Variants in RPS8 observed in about 807,000 individuals in gnomAD.
RPS8 encodes the protein small ribosomal subunit protein eS8.
For synonymous variants in RPS8, 100 were observed against 100.7 expected (o/e 0.99, Z 0.04); for missense variants, 141 against 269.7 (o/e 0.52, Z 3.34).
intron 2 of RPS8, chr1:44,776,358 GAGA>G: frequency 1.5e-6 from 1 of 680,986 alleles, no homozygotes; most frequent in South Asian, 1.7e-5. Context: ...GGATTTCAGA[GAGA>G]AGGATACTGT....
chr1:44,778,215 G>T, intron 5 of RPS8, 86 bp downstream of exon 5: 1 of 1,512,884 alleles, frequency 6.6e-7, no homozygotes, highest in Admixed American at 1.8e-5. Flanking sequence ...TCCTTTGACT[G>T]CCAGCCATGC....
chr1:44,778,147 T>C lies in RPS8; in HGVS notation c.517+18T>C. The C allele has an allele frequency of 6.3e-7, 1 of 1,589,316 alleles. No individual in the cohort carries two copies. Among genetic ancestry groups the C allele is most frequent in the Non-Finnish European group, 8.6e-7 (1 of 1,167,948 alleles). On this transcript the variant is annotated intron_variant, in intron 5 of 5. Transcript: ENST00000396651. ...GCTTCTTGGTGAGAAGGCTGTTGTG[T>C]TGGAGGTGGGGAGTCGCAGAGATTG...
At chr1:44,775,859 C>G (rs1218790610) in intron 1 of RPS8, 175 bp from the exon 2 acceptor site, 1 of 817,224 alleles carries the variant, frequency 1.2e-6, no homozygotes, top group South Asian at 1.4e-5. Context: ...CCCGGCCTGG[C>G]CGCACGTGTA....
intron 3 of RPS8, chr1:44,777,260 G>A (rs1483288209): frequency 1.7e-5 from 4 of 228,936 alleles, no homozygotes; most frequent in Non-Finnish European, 2.6e-5. Context: ...TAGTAGAGAC[G>A]GGGTTTCACC....
chr1:44,776,196 C>A, intron 2 of RPS8, 56 bp downstream of exon 2: 3 of 1,276,446 alleles, frequency 2.4e-6, no homozygotes, highest in Non-Finnish European at 3.3e-6. Context: ...CGCTCTCCAG[C>A]GTGCTCGGGT....
chr1:44,778,547 T>C (rs1404771540), intron 5 of RPS8, 29 bp from the exon 6 acceptor site: 7 of 1,579,976 alleles, frequency 4.4e-6, no homozygotes, highest in South Asian at 1.1e-5. Context: ...ACCTTGTCGT[T>C]GTGCTAAGGA....
chr1:44,776,268 G>A, intron 2 of RPS8, 128 bp downstream of exon 2: 1 of 690,288 alleles, frequency 1.4e-6, no homozygotes, highest in Non-Finnish European at 2.5e-6. Flanking sequence ...TAGGGCCTGG[G>A]TGTCCTGTCC....
At chr1:44,775,953 G>T (rs532098137) in intron 1 of RPS8, 81 bp from the exon 2 acceptor site, 2 of 1,356,136 alleles carry the variant, frequency 1.5e-6, no homozygotes, top group East Asian at 2.3e-5. Flanking sequence ...GACCGGCCCG[G>T]CGCGGGGGTC....
chr1:44,775,647 A>G, intron 1 of RPS8, 47 bp downstream of exon 1: 1 of 1,612,236 alleles, frequency 6.2e-7, no homozygotes, highest in Non-Finnish European at 8.5e-7. Flanking sequence ...GTTGAGCTCA[A>G]TCAGGCCCCA....
intron 1 of RPS8, 157 bp downstream of exon 1, chr1:44,775,757 C>T: frequency 9.6e-7 from 1 of 1,041,298 alleles, no homozygotes; most frequent in Admixed American, 1.9e-5. Flanking sequence ...CCCAGCCCGT[C>T]TCTGGGGGCT....
intron 3 of RPS8, 97 bp downstream of exon 3, chr1:44,776,871 C>G: frequency 1.1e-6 from 1 of 883,218 alleles, no homozygotes; most frequent in South Asian, 1.8e-5. Context: ...CCTATAAGCC[C>G]AGCACGTTGG....
At chr1:44,777,421 A>G (rs1650896697) in intron 3 of RPS8, 193 bp from the exon 4 acceptor site, 1 of 594,138 alleles carries the variant, frequency 1.7e-6, no homozygotes, top group Admixed American at 3.0e-5. Context: ...GCTGGTAAAG[A>G]CTGCGGGTTG....
At chr1:44,776,529 G>T in intron 2 of RPS8, 146 bp from the exon 3 acceptor site, 1 of 787,676 alleles carries the variant, frequency 1.3e-6, no homozygotes, top group Non-Finnish European at 2.3e-6. Flanking sequence ...CGTGGTTGTG[G>T]CCGTCTTGGT....
rs1650868957 is a variant in RPS8, at chr1:44,776,752, G to A, written c.189G>A (p.Gly63=). ...ACCGTGCCCTGAGGTTGGACGTGGG[G>A]AATTTCTCCTGGGGCTCAGAGTGTG... ...KKYRALRLDV[G]NFSWGSECCT... Residue 63 remains glycine, a synonymous_variant, in exon 3 of 6, where the codon GGG becomes GGA. Transcript: ENST00000396651. 1.2e-6 allele frequency: 2 copies of A among 1,610,734 alleles called. No homozygotes were observed. Among genetic ancestry groups the A allele is most frequent in the South Asian group, 1.1e-5 (1 of 90,774 alleles).
intron 1 of RPS8, 164 bp from the exon 2 acceptor site, chr1:44,775,870 T>G (rs1189897689): frequency 1.2e-6 from 1 of 831,142 alleles, no homozygotes; most frequent in Admixed American, 1.7e-5. Context: ...CGCACGTGTA[T>G]GATGACAACT....
intron 1 of RPS8, 187 bp downstream of exon 1, chr1:44,775,787 G>C: frequency 1.1e-6 from 1 of 887,704 alleles, no homozygotes; most frequent in Non-Finnish European, 1.8e-6. Context: ...CTGGGCTCCG[G>C]GTTCCGGGCC....
chr1:44,775,799 C>A, intron 1 of RPS8, 199 bp downstream of exon 1: 1 of 801,794 alleles, frequency 1.2e-6, no homozygotes, highest in Non-Finnish European at 2.1e-6. Context: ...TTCCGGGCCG[C>A]GGGCTGCGGG....
intron 1 of RPS8, 43 bp downstream of exon 1, chr1:44,775,643 C>T: frequency 6.2e-7 from 1 of 1,613,030 alleles, no homozygotes; most frequent in Non-Finnish European, 8.5e-7. Flanking sequence ...GGAGGTTGAG[C>T]TCAATCAGGC....
At position 44,776,684 on chromosome 1, in the gene RPS8, C is replaced by G; in HGVS notation, c.121C>G (p.Arg41Gly). 1 of 1,613,896 alleles carries G rather than the reference C, an allele frequency of 6.2e-7. No homozygotes were observed. Among genetic ancestry groups the G allele is most frequent in the Non-Finnish European group, 8.5e-7 (1 of 1,179,920 alleles). ...ACCTTGTGTTTTCCAGATTGGCCCC[C>G]GCCGCATCCACACAGTCCGTGTGCG... ...RPAANTKIGP[R>G]RIHTVRVRGG... The change falls in exon 3 of 6, where the codon CGC becomes GGC. Residue 41 changes from arginine (R) to glycine (G), a missense_variant. Arg to Gly is a moderately radical substitution (Grantham distance 125). Coordinates refer to ENST00000396651, the MANE Select transcript of RPS8 (RefSeq NM_001012.2).
Sources: gnomAD v4.1 joint callset for allele counts on GRCh38, gnomAD v4.1.1 for gene constraint, MANE v1.5 for transcripts, NCBI Gene and HGNC (gene_info 2026-07-23, HGNC 2026-07-21) for gene names.